The following TRABD2B variants were observed in gnomAD, a reference collection of about 807,000 sequenced individuals.
TRABD2B encodes metalloprotease TIKI2.
Under a neutral mutation model 40.1 loss-of-function variants are expected in TRABD2B, and 14 were observed. The ratio of observed to expected loss-of-function variants is 0.35; its 90% CI spans 0.23 to 0.55. The LOEUF (loss-of-function observed/expected upper bound fraction) is 0.55, where lower values mean the gene tolerates loss of function less well. TRABD2B is among the 20% of genes least tolerant of loss of function. The pLI, the probability that TRABD2B is intolerant of heterozygous loss-of-function variation, is 0.90. For missense variants in TRABD2B, 541 were observed against 648.6 expected, an observed-to-expected ratio of 0.83 and a Z score of 1.80; for synonymous variants, 263 against 277.0, an observed-to-expected ratio of 0.95 and a Z score of 0.50.
At chr1:47,881,616 T>C (rs1182409552) in intron 2 of TRABD2B, among the ~76,000 whole-genome samples, 1 of 152,178 alleles carries the variant, frequency 6.6e-6, no homozygotes, top group African/African-American at 2.4e-5. Context: ...ACTGAAGCTT[T>C]CTGGTTCTGA....
chr1:47,993,157 G>A (rs1212155106), intron 2 of TRABD2B, among the ~76,000 whole-genome samples: 2 of 152,092 alleles, frequency 1.3e-5, no homozygotes, highest in African/African-American at 4.8e-5. Flanking sequence ...CCCCATCTTG[G>A]GGCCTCCTTG....
chr1:47,816,547 C>T (rs1329603546), intron 2 of TRABD2B, among the ~76,000 whole-genome samples: 1 of 152,050 alleles, frequency 6.6e-6, no homozygotes, highest in African/African-American at 2.4e-5. Context: ...GTCCTTCTGC[C>T]CGGTATGCCA....
Position 47,960,831 on chromosome 1 carries a change from T to C in TRABD2B, c.666+33203A>G, listed in dbSNP as rs373338555. The stretch of plus-strand genomic sequence containing the variant: ...AATGCCATCCCCATCAAGCTACCAA[T>C]GACTTTCTTCACAGAATTGGAAAAA... On this transcript the variant is annotated intron_variant, in intron 2 of 6. Coordinates refer to ENST00000606738, the MANE Select transcript of TRABD2B (RefSeq NM_001194986.2). Among the ~76,000 whole-genome samples, 21 of 152,194 alleles carry C rather than the reference T, an allele frequency of 1.4e-4. No individual in the cohort carries two copies. In the East Asian group the frequency reaches 2.7e-3, roughly 20 times the overall value.
intron 2 of TRABD2B, among the ~76,000 whole-genome samples, chr1:47,826,197 G>C (rs536191219): frequency 6.6e-6 from 1 of 152,326 alleles, no homozygotes; most frequent in Admixed American, 6.5e-5. Context: ...GGCTGGAGCT[G>C]AGCCACAGAC....
At chr1:47,795,493 TG>T in intron 3 of TRABD2B, 1 of 194,842 alleles carries the variant, frequency 5.1e-6, no homozygotes, top group Non-Finnish European at 9.3e-6. Flanking sequence ...TTGAGCTGCC[TG>T]GTACAGCGGG....
intron 2 of TRABD2B, among the ~76,000 whole-genome samples, chr1:47,812,223 C>A (rs1644974755): frequency 6.6e-6 from 1 of 152,214 alleles, no homozygotes; most frequent in Non-Finnish European, 1.5e-5. Context: ...CAGAGAATCA[C>A]CTACACCAAC....
At chr1:47,869,270 A>C (rs184873598) in intron 2 of TRABD2B, among the ~76,000 whole-genome samples, 22 of 152,364 alleles carry the variant, frequency 1.4e-4, no homozygotes, top group Non-Finnish European at 3.1e-4. Context: ...ATAAATGGAC[A>C]GACATTGCTG....
At chr1:47,779,702 T>C (rs1040905901) in intron 4 of TRABD2B, among the ~76,000 whole-genome samples, 1 of 152,084 alleles carries the variant, frequency 6.6e-6, no homozygotes, top group Admixed American at 6.5e-5. Context: ...TCAGGGCCCA[T>C]GGGCCCCTCC....
At chr1:47,770,964 C>T (rs1252312572) in intron 6 of TRABD2B, among the ~76,000 whole-genome samples, 1 of 152,192 alleles carries the variant, frequency 6.6e-6, no homozygotes, top group Non-Finnish European at 1.5e-5. Flanking sequence ...CTCTAAGCCT[C>T]AAAGTAAGTA....
At chr1:47,990,808 T>C (rs1287177170) in intron 2 of TRABD2B, among the ~76,000 whole-genome samples, 4 of 79,352 alleles carry the variant, frequency 5.0e-5, no homozygotes, top group South Asian at 4.8e-4. Context: ...TATATATATA[T>C]ATATATATAT....
intron 2 of TRABD2B, among the ~76,000 whole-genome samples, chr1:47,954,343 G>T (rs548989413): frequency 6.6e-6 from 1 of 152,200 alleles, no homozygotes; most frequent in African/African-American, 2.4e-5. Flanking sequence ...CCTGGAAACT[G>T]TCTCCTCAAT....
chr1:47,844,485 CTCCAA>C (rs1445649658), intron 2 of TRABD2B, among the ~76,000 whole-genome samples: 1 of 152,194 alleles, frequency 6.6e-6, no homozygotes, highest in African/African-American at 2.4e-5. Context: ...AGCCCTCCAA[CTCCAA>C]TCCCTATGAT....
chr1:47,937,839 T>C (rs998826327), intron 2 of TRABD2B, among the ~76,000 whole-genome samples: 3 of 152,074 alleles, frequency 2.0e-5, no homozygotes, highest in Non-Finnish European at 4.4e-5. Flanking sequence ...AGGGGAACAT[T>C]CCAACCCCGA....
At chr1:47,957,865 G>A (rs539439576) in intron 2 of TRABD2B, among the ~76,000 whole-genome samples, 5 of 152,258 alleles carry the variant, frequency 3.3e-5, no homozygotes, top group South Asian at 2.1e-4. Flanking sequence ...AGACCACCAC[G>A]AAGATATTCT....
intron 2 of TRABD2B, among the ~76,000 whole-genome samples, chr1:47,859,155 T>C (rs765898175): frequency 4.6e-5 from 7 of 152,332 alleles, no homozygotes; most frequent in Middle Eastern, 3.4e-3. Context: ...GAGGCTGGCA[T>C]GGTGCTTCAT....
chr1:47,769,079 C>T (rs2124420892), intron 6 of TRABD2B, among the ~76,000 whole-genome samples: 1 of 152,286 alleles, frequency 6.6e-6, no homozygotes, highest in East Asian at 1.9e-4. Context: ...ACTGAGGCCT[C>T]ATCTGGCCTC....
chr1:47,900,257 C>T (rs949687212), intron 2 of TRABD2B, among the ~76,000 whole-genome samples: 5 of 152,118 alleles, frequency 3.3e-5, no homozygotes, highest in African/African-American at 1.2e-4. Flanking sequence ...GGCCAGCCCA[C>T]AATACTCTCT....
At chr1:47,770,016 C>G (rs1331927381) in intron 6 of TRABD2B, among the ~76,000 whole-genome samples, 1 of 152,102 alleles carries the variant, frequency 6.6e-6, no homozygotes, top group African/African-American at 2.4e-5. Context: ...TGAGGCACCT[C>G]CAAGGGGCTC....
chr1:47,880,097 G>C (rs1237819085), intron 2 of TRABD2B, among the ~76,000 whole-genome samples: 1 of 152,224 alleles, frequency 6.6e-6, no homozygotes, highest in African/African-American at 2.4e-5. Flanking sequence ...ATCACTGGAG[G>C]TGAGGAGTTT....
Sources: gnomAD v4.1 joint callset for allele counts (sites outside exome capture counted in the v4.1 genomes callset) on GRCh38, gnomAD v4.1.1 for gene constraint, MANE v1.5 for transcripts, NCBI Gene and HGNC (gene_info 2026-07-23, HGNC 2026-07-21) for gene names.